AK6: variants seen among roughly 807,000 people sequenced by gnomAD.
AK6 encodes the protein adenylate kinase isoenzyme 6.
In AK6, 24 loss-of-function variants were observed where a neutral mutation model predicts 23.7. That is an observed-to-expected ratio of 1.01 (90% CI 0.73 to 1.43). AK6 has a LOEUF of 1.43. Ranked by LOEUF, AK6 falls within the 40% of genes most tolerant of loss-of-function variation. AK6 has a pLI of 0.00. For synonymous variants in AK6, 73 were observed against 69.8 expected (o/e 1.05, Z -0.23); for missense variants, 191 against 199.1 (o/e 0.96, Z 0.24).
intron 2 of AK6, among the ~76,000 whole-genome samples, chr5:69,357,112 A>G (rs1342431396): frequency 6.6e-6 from 1 of 152,210 alleles, no homozygotes; most frequent in Non-Finnish European, 1.5e-5. Context: ...GGTTAAAATG[A>G]ACATAAATTC....
chr5:69,365,462 T>TA (rs781435812), intron 2 of AK6: 1 of 1,614,170 alleles, frequency 6.2e-7, no homozygotes, highest in Non-Finnish European at 8.5e-7. Context: ...CAATATCTAA[T>TA]AAAAAATCTC....
At position 69,352,168 on chromosome 5, in the gene AK6, C is replaced by T; in HGVS notation, c.412G>A (p.Glu138Lys). The T allele has an allele frequency of 1.2e-6, 2 of 1,613,930 alleles. No individual in the cohort carries two copies. Among genetic ancestry groups the T allele is most frequent in the East Asian group, 2.2e-5 (1 of 44,872 alleles). The change falls in exon 5 of 5, where the codon GAA becomes AAA. Residue 138 changes from glutamate to lysine, a missense_variant. Coordinates refer to ENST00000380822, the MANE Select transcript of AK6 (RefSeq NM_016283.5). Reference protein sequence around the residue: ...LYEEATASYKEEIVHQLPSNK... With the variant: ...LYEEATASYKKEIVHQLPSNK... ...CTGGGCAGCTGATGCACGATTTCTTCCTTGTAGGATGCTGTGGCTTCTTCA... is the reference window on the plus strand; with the variant it reads ...CTGGGCAGCTGATGCACGATTTCTTTCTTGTAGGATGCTGTGGCTTCTTCA...
intron 4 of AK6, among the ~76,000 whole-genome samples, chr5:69,352,584 G>A (rs910185776): frequency 9.9e-5 from 15 of 151,872 alleles, no homozygotes; most frequent in Admixed American, 7.2e-4. Context: ...TAAAACTTAA[G>A]CAAAGAATCT....
At chr5:69,369,522 C>T, upstream of AK6, 1 of 1,611,206 alleles carries the variant, frequency 6.2e-7, no homozygotes, top group Non-Finnish European at 8.5e-7. Context: ...GGGCGCCTCG[C>T]TCACGTGCCC....
At chr5:69,365,477 G>A (rs1408759117) in intron 2 of AK6, 3 of 1,614,040 alleles carry the variant, frequency 1.9e-6, no homozygotes, top group African/African-American at 2.7e-5. Flanking sequence ...AATCTCTTGG[G>A]GGAGGAGAGG....
In AK6 at chr5:69,355,771, T is replaced by A; in HGVS notation, c.204A>T (p.Gln68His). The change falls in exon 4 of 5, where the codon CAA (glutamine) becomes CAT (histidine). Residue 68 changes from glutamine to histidine, a missense_variant. Transcript: ENST00000380822. Reference protein sequence around the residue: ...EDRVVDELDNQMREGGVIVDY... With the variant: ...EDRVVDELDNHMREGGVIVDY... ...CAACAATAACTCCACCTTCTCTCATTTGGTTATCTAACTCATCAACTACCT... is the reference window on the plus strand; with the variant it reads ...CAACAATAACTCCACCTTCTCTCATATGGTTATCTAACTCATCAACTACCT... 1 of 1,611,172 alleles carries A rather than the reference T, an allele frequency of 6.2e-7. No individual in the cohort carries two copies. The highest frequency in any genetic ancestry group is 1.3e-5 in the African/African-American group (1 of 74,912).
rs373165165 is a variant in AK6 at position 69,364,041 on chromosome 5, T to C, written c.121+2462A>G. ...ACATAGAGGTTGCAGTGAGCTGAGA[T>C]TGTGCCACTGCACTGCAGCCTGGGC... On this transcript the variant is annotated intron_variant, in intron 2 of 4. Coordinates refer to ENST00000380822, the MANE Select transcript of AK6 (RefSeq NM_016283.5). 1.4e-3 allele frequency among the ~76,000 whole-genome samples: 212 copies of C among 152,236 alleles called. 1 individual carries two copies. The highest frequency in any genetic ancestry group is 4.9e-3 in the African/African-American group (205 of 41,540).
rs1225222482 is a variant in AK6 at position 69,366,572 on chromosome 5, T to C, written c.52A>G (p.Thr18Ala). ...TTTGACGCAAGTTCTTTGCCTAGTG[T>C]GGTTTTTCCAACCCCTGGTGTACCT... ...LTGTPGVGKT[T>A]LGKELASKSG... Residue 18 changes from threonine to alanine, a missense_variant, in exon 2 of 5, where the codon ACA becomes GCA. Physicochemically the swap from Thr to Ala is moderately conservative, Grantham distance 58. Coordinates refer to ENST00000380822, the MANE Select transcript of AK6 (RefSeq NM_016283.5). 4 of 1,614,070 alleles carry C rather than the reference T, an allele frequency of 2.5e-6. No individual in the cohort carries two copies. Among genetic ancestry groups the C allele is most frequent in the Non-Finnish European group, 3.4e-6 (4 of 1,180,000 alleles).
At chr5:69,352,454 G>A (rs1761971250) in intron 4 of AK6, among the ~76,000 whole-genome samples, 2 of 151,878 alleles carry the variant, frequency 1.3e-5, no homozygotes, top group African/African-American at 4.8e-5. Flanking sequence ...CACCAAACCA[G>A]CATCTAGGTT....
rs200813638 is a variant in AK6, at chr5:69,369,517, C to G, written c.-27G>C. 2,235 of 1,611,326 alleles carry G rather than the reference C, an allele frequency of 1.4e-3. 7 individuals carry two copies. Among genetic ancestry groups the G allele is most frequent in the Non-Finnish European group, 1.6e-3 (1,896 of 1,179,238 alleles). On this transcript the variant is annotated 5_prime_UTR_variant, in exon 1 of 5. Coordinates refer to ENST00000380822, the MANE Select transcript of AK6 (RefSeq NM_016283.5). ...GTCCCCGCCGCGACGGCTTCGGGCG[C>G]CTCGCTCACGTGCCCTTTGCTCTAC... is the stretch of plus-strand genomic sequence containing the variant.
intron 2 of AK6, among the ~76,000 whole-genome samples, chr5:69,363,978 C>T (rs1762314846): frequency 6.6e-6 from 1 of 151,932 alleles, no homozygotes; most frequent in Non-Finnish European, 1.5e-5. Flanking sequence ...ATTCCAGCTA[C>T]TTGGGAGGCT....
chr5:69,351,181 G>A lies in AK6; in HGVS notation c.*880C>T, dbSNP rs1439239059. Reference sequence around the variant, plus strand: ...CCTTGTTAATAAGCTAAAAACCAACGGATTATAAATTTTATTTATGTTTAT... The same window carrying A: ...CCTTGTTAATAAGCTAAAAACCAACAGATTATAAATTTTATTTATGTTTAT... On this transcript the variant is annotated 3_prime_UTR_variant, in exon 5 of 5. Coordinates refer to ENST00000380822, the MANE Select transcript of AK6 (RefSeq NM_016283.5). The A allele has an allele frequency of 1.3e-5, 2 of 152,022 alleles. No homozygotes were observed. Among genetic ancestry groups the A allele is most frequent in the Non-Finnish European group, 2.9e-5 (2 of 68,016 alleles). The allele number at this position is 152,022 out of a possible 1,614,324, so 9.4% of individuals were successfully genotyped here.
upstream of AK6, chr5:69,369,596 C>T: frequency 6.3e-7 from 1 of 1,591,276 alleles, no homozygotes. Flanking sequence ...CCCAAAGGCC[C>T]CGAAGCCCAC....
At position 69,351,908 on chromosome 5, in the gene AK6, T is replaced by C. The variant is rs1056053837; in HGVS notation, c.*153A>G. ...TTATATTTCATGTTTAGCTTTCTCA[T>C]GGAGAAAAAGAAACACAGGCATAAA... On this transcript the variant is annotated 3_prime_UTR_variant, in exon 5 of 5. Coordinates refer to ENST00000380822, the MANE Select transcript of AK6 (RefSeq NM_016283.5). The C allele has an allele frequency of 8.7e-6, 4 of 462,088 alleles. No homozygotes were observed. Among genetic ancestry groups the C allele is most frequent in the Non-Finnish European group, 1.5e-5 (4 of 274,268 alleles). The allele number at this position is 462,088 out of a possible 1,614,324, so 28.6% of individuals were successfully genotyped here.
At chr5:69,361,192 C>T (rs1426535044) in intron 2 of AK6, among the ~76,000 whole-genome samples, 2 of 152,068 alleles carry the variant, frequency 1.3e-5, no homozygotes, top group African/African-American at 2.4e-5. Context: ...CTCACTCTGT[C>T]GCCCAGGCTA....
chr5:69,358,927 A>G lies in AK6; in HGVS notation c.122-2974T>C, dbSNP rs73772545. 6.2e-3 allele frequency among the ~76,000 whole-genome samples: 938 copies of G among 151,934 alleles called. 9 individuals are homozygous for G. The highest frequency in any genetic ancestry group is 0.021 in the African/African-American group (882 of 41,442). ...CCAGGTACAGATATATTGCTTGCAG[A>G]AAAAAAATCAATTGTGGGGCCAGAG... is the stretch of plus-strand genomic sequence containing the variant. On this transcript the variant is annotated intron_variant, in intron 2 of 4. Coordinates refer to ENST00000380822, the MANE Select transcript of AK6 (RefSeq NM_016283.5).
chr5:69,367,821 C>CA (rs1042334192), intron 1 of AK6: 3 of 152,198 alleles, frequency 2.0e-5, no homozygotes, highest in African/African-American at 7.2e-5. Context: ...CTGGGATTTA[C>CA]AGGCATGAGC....
Position 69,366,564 on chromosome 5 carries a change from G to A in AK6, c.60C>T (p.Gly20=). 6.2e-7 allele frequency: 1 copy of A among 1,613,926 alleles called. No individual in the cohort carries two copies. The highest frequency in any genetic ancestry group is 8.5e-7 in the Non-Finnish European group (1 of 1,179,988). ...GTPGVGKTTL[G]KELASKSGLK... ...GTCCTGATTTTGACGCAAGTTCTTT[G>A]CCTAGTGTGGTTTTTCCAACCCCTG... The change falls in exon 2 of 5, where the codon GGC becomes GGT. Residue 20 remains glycine (G), a synonymous_variant. Transcript: ENST00000380822.
chr5:69,355,793 AC>A lies in AK6; in HGVS notation c.181del (p.Val61Ter), dbSNP rs757696702. 7 of 1,599,214 alleles carry A rather than the reference AC, an allele frequency of 4.4e-6. No individual in the cohort carries two copies. The highest frequency in any genetic ancestry group is 6.0e-6 in the Non-Finnish European group (7 of 1,175,566). On this transcript the variant is annotated frameshift_variant and splice_region_variant, in exon 4 of 5. Transcript: ENST00000380822. LOFTEE classifies it high-confidence loss of function. ...CATTTGGTTATCTAACTCATCAACTACCTGTAAGAAAAGTTTAAAAAAAAAT... is the reference window on the plus strand; with the variant it reads ...CATTTGGTTATCTAACTCATCAACTACTGTAAGAAAAGTTTAAAAAAAAAT... ...YDCPILDEDR[V>X]VDELDNQMRE...
Sources: allele counts gnomAD v4.1 joint callset (sites outside exome capture counted in the v4.1 genomes callset), GRCh38; gene constraint gnomAD v4.1.1; transcripts MANE v1.5; gene names NCBI Gene and HGNC (gene_info 2026-07-23, HGNC 2026-07-21).